The following CELSR1 variants were observed in gnomAD, a reference collection of about 807,000 sequenced individuals.
CELSR1 encodes adhesion G protein-coupled receptor C1.
CELSR1 carries 110 observed loss-of-function variants against 249.1 expected under a neutral mutation model. The ratio of observed to expected loss-of-function variants is 0.44; its 90% CI spans 0.38 to 0.52. The LOEUF (loss-of-function observed/expected upper bound fraction) is 0.52. Ranked by LOEUF, CELSR1 falls within the 20% of genes least tolerant of loss-of-function variation. The pLI is 0.00. For synonymous variants in CELSR1, 2,113 were observed against 1,900.0 expected, an observed-to-expected ratio of 1.11 and a Z score of -2.92; for missense variants, 4,109 against 4,296.4, an observed-to-expected ratio of 0.96 and a Z score of 1.22.
At chr22:46,416,377 AC>A (rs947946477) in intron 5 of CELSR1, among the ~76,000 whole-genome samples, 23 of 151,164 alleles carry the variant, frequency 1.5e-4, no homozygotes, top group African/African-American at 4.8e-4. Flanking sequence ...GGCCCAGAGG[AC>A]CCCCCCCAAC....
In CELSR1 at chr22:46,535,938, T is replaced by C. The variant is rs766824631; in HGVS notation, c.1233A>G (p.Thr411=). ...CCTCCTCCCGGTCCAGCACCGCCCG[T>C]GTGCTCACCACGCCAGAGCTCTCGT... ...QLNESSGVVS[T]RAVLDREEAA... The change falls in exon 1 of 35, where the codon ACA becomes ACG. Residue 411 remains threonine (T), a synonymous_variant. Coordinates refer to ENST00000674500, the MANE Select transcript of CELSR1 (RefSeq NM_001378328.1). The C allele has an allele frequency of 6.2e-7, 1 of 1,610,058 alleles. No homozygotes were observed. The highest frequency in any genetic ancestry group is 8.5e-7 in the Non-Finnish European group (1 of 1,179,788).
intron 30 of CELSR1, among the ~76,000 whole-genome samples, 188 bp downstream of exon 30, chr22:46,366,198 G>GT (rs2078776897): frequency 1.2e-5 from 1 of 80,538 alleles, no homozygotes; most frequent in Non-Finnish European, 2.3e-5. Context: ...GCAGGGGAAG[G>GT]GAAGGTGCGA....
chr22:46,537,579 G>T lies in CELSR1; in HGVS notation c.-409C>A, dbSNP rs2080872892. Among the ~76,000 whole-genome samples, 1 of 147,196 alleles carries T rather than the reference G, an allele frequency of 6.8e-6. No individual in the cohort carries two copies. The highest frequency in any genetic ancestry group is 2.1e-4 in the South Asian group (1 of 4,808). On this transcript the variant is annotated 5_prime_UTR_variant, in exon 1 of 35. Coordinates refer to ENST00000674500, the MANE Select transcript of CELSR1 (RefSeq NM_001378328.1). This position sits in a 1 kb window ranked among gnomAD's most constrained non-coding sequence, Gnocchi z 5.8. The stretch of plus-strand genomic sequence containing the variant: ...GGAGCGGGCTGGGCAGCTCCGCGCC[G>T]CGCAGACCCCGGCGGCCGGCTGCTG...
rs9626866 is a variant in CELSR1, at chr22:46,413,135, G to A, written c.4612-1376C>T. Reference sequence around the variant, plus strand: ...CGTGGAAATAGATCGTTGTAAAAACGTAGAATTTAATTAAATCATCCTCAG... The same window carrying A: ...CGTGGAAATAGATCGTTGTAAAAACATAGAATTTAATTAAATCATCCTCAG... On this transcript the variant is annotated intron_variant, in intron 5 of 34. Coordinates refer to ENST00000674500, the MANE Select transcript of CELSR1 (RefSeq NM_001378328.1). The surrounding 1 kb of genome is among the most constrained non-coding windows in gnomAD (Gnocchi z 4.7). 0.027 allele frequency among the ~76,000 whole-genome samples: 4,038 copies of A among 152,288 alleles called. 169 individuals are homozygous for A. Among genetic ancestry groups the A allele is most frequent in the African/African-American group, 0.091 (3,761 of 41,554 alleles).
At chr22:46,416,952 G>GA (rs1162272484) in intron 5 of CELSR1, among the ~76,000 whole-genome samples, 1 of 117,338 alleles carries the variant, frequency 8.5e-6, no homozygotes, top group Non-Finnish European at 1.7e-5. Context: ...CAATGCTGGG[G>GA]AAGGTAGCAG....
rs371822677 is a variant in CELSR1, at chr22:46,399,524, G to T, written c.5412+193C>A. On this transcript the variant is annotated intron_variant, in intron 10 of 34. Coordinates refer to ENST00000674500, the MANE Select transcript of CELSR1 (RefSeq NM_001378328.1). The surrounding 1 kb of genome is among the most constrained non-coding windows in gnomAD (Gnocchi z 5.0). The stretch of plus-strand genomic sequence containing the variant: ...GCTGACTGCCGGGGGCGGGGCATCC[G>T]GATGAAGGAGGTGAGGAAGATGCCA... 6.6e-6 allele frequency among the ~76,000 whole-genome samples: 1 copy of T among 152,310 alleles called. No individual in the cohort carries two copies. Among genetic ancestry groups the T allele is most frequent in the Non-Finnish European group, 1.5e-5 (1 of 68,028 alleles).
At chr22:46,499,134 C>T (rs1008855530) in intron 1 of CELSR1, among the ~76,000 whole-genome samples, 2 of 148,440 alleles carry the variant, frequency 1.3e-5, no homozygotes, top group Non-Finnish European at 3.0e-5. Flanking sequence ...GAGCCGAGAT[C>T]GTGCCACTGC....
intron 1 of CELSR1, among the ~76,000 whole-genome samples, chr22:46,474,183 C>A (rs947281695): frequency 6.6e-6 from 1 of 152,178 alleles, no homozygotes; most frequent in Non-Finnish European, 1.5e-5. Context: ...CAGCTCTGCC[C>A]GGGGGCAGGG....
chr22:46,523,397 C>T (rs1017082237), intron 1 of CELSR1, among the ~76,000 whole-genome samples: 1 of 151,854 alleles, frequency 6.6e-6, no homozygotes, highest in Non-Finnish European at 1.5e-5. Flanking sequence ...GGTGTGGTAG[C>T]GGGCACCTGT....
rs2078717025 is a variant in CELSR1, at chr22:46,362,598, CAGAG to C, written c.*621_*624del. 1.3e-5 allele frequency: 2 copies of C among 152,836 alleles called. No individual in the cohort carries two copies. The highest frequency in any genetic ancestry group is 6.5e-5 in the Admixed American group (1 of 15,354). The allele number at this position is 152,836 out of a possible 1,614,324, so 9.5% of individuals were successfully genotyped here. A position where few individuals can be genotyped will look rare whatever the true frequency, so the allele number is the denominator to read the frequency against. Reference sequence around the variant, plus strand: ...TTCAAGTACAACTGTGCAATCTTGACAGAGAAGACAGCAAGAGATCATTGCATGG... The same window carrying C: ...TTCAAGTACAACTGTGCAATCTTGACAAGACAGCAAGAGATCATTGCATGG... On this transcript the variant is annotated 3_prime_UTR_variant, in exon 35 of 35. Transcript: ENST00000674500.
rs1374608973 is a variant in CELSR1, at chr22:46,454,449, C to T, written c.4183+9258G>A. Among the ~76,000 whole-genome samples the T allele has an allele frequency of 2.0e-5, 3 of 152,334 alleles. No homozygotes were observed. Among genetic ancestry groups the T allele is most frequent in the South Asian group, 2.1e-4 (1 of 4,826 alleles). Reference sequence around the variant, plus strand: ...AGTGCACGCACAGACGCCCATGACCCGCAGCCAGCCCGGCCAGGCAGCCTT... The same window carrying T: ...AGTGCACGCACAGACGCCCATGACCTGCAGCCAGCCCGGCCAGGCAGCCTT... On this transcript the variant is annotated intron_variant, in intron 2 of 34. Transcript: ENST00000674500. The surrounding 1 kb of genome is among the most constrained non-coding windows in gnomAD (Gnocchi z 5.1).
chr22:46,483,597 C>T (rs1468153857), intron 1 of CELSR1, among the ~76,000 whole-genome samples: 2 of 152,084 alleles, frequency 1.3e-5, no homozygotes, highest in Non-Finnish European at 2.9e-5. Context: ...TTCCTGCCTC[C>T]TGGAGTCCCC....
At chr22:46,418,281 G>A (rs767496920) in intron 5 of CELSR1, among the ~76,000 whole-genome samples, 15 of 152,248 alleles carry the variant, frequency 9.9e-5, no homozygotes, top group East Asian at 3.9e-4. Flanking sequence ...AGGAGTTTGC[G>A]ACCAGCCTGG....
At chr22:46,385,777 A>ATG in intron 19 of CELSR1, among the ~76,000 whole-genome samples, 1 of 148,692 alleles carries the variant, frequency 6.7e-6, no homozygotes, top group Admixed American at 6.9e-5. Context: ...TCCCGGGTTC[A>ATG]CGCCATTCTC....
At chr22:46,449,951 C>T (rs73454558) in intron 2 of CELSR1, among the ~76,000 whole-genome samples, 2,406 of 152,196 alleles carry the variant, frequency 0.016, 52 homozygotes, top group African/African-American at 0.055. Context: ...CTCACATGCA[C>T]GCACTCACAT....
At chr22:46,496,810 G>A (rs1267627976) in intron 1 of CELSR1, among the ~76,000 whole-genome samples, 1 of 151,720 alleles carries the variant, frequency 6.6e-6, no homozygotes, top group Non-Finnish European at 1.5e-5. Flanking sequence ...GCCTTCTTCT[G>A]GAAAACCTGA....
chr22:46,491,063 G>A (rs993392980), intron 1 of CELSR1, among the ~76,000 whole-genome samples: 2 of 151,992 alleles, frequency 1.3e-5, no homozygotes, highest in Non-Finnish European at 2.9e-5. Flanking sequence ...CAGGTCTCCT[G>A]AGGCAGCTTC....
At chr22:46,414,287 G>T (rs2079371604) in intron 5 of CELSR1, among the ~76,000 whole-genome samples, 1 of 152,170 alleles carries the variant, frequency 6.6e-6, no homozygotes, top group South Asian at 2.1e-4. Context: ...GGCGGCCACT[G>T]GGTCAAAAGT....
rs970637935 is a variant in CELSR1 at position 46,402,247 on chromosome 22, A to G, written c.5227-2345T>C. Among the ~76,000 whole-genome samples the G allele has an allele frequency of 6.9e-6, 1 of 144,748 alleles. No individual in the cohort carries two copies. The highest frequency in any genetic ancestry group is 2.6e-5 in the African/African-American group (1 of 38,844). The allele number at this position is 144,748 out of a possible 152,430, so 95.0% of individuals were successfully genotyped here. On this transcript the variant is annotated intron_variant, in intron 9 of 34. Transcript: ENST00000674500. This position sits in a 1 kb window ranked among gnomAD's most constrained non-coding sequence, Gnocchi z 5.0. ...TTTTTTTTTTTTGAGACAGAGTTTC[A>G]CTCTTGTTGCCCAGGCTGGAGTGCA...
Sources: gnomAD v4.1 joint callset for allele counts (sites outside exome capture counted in the v4.1 genomes callset) on GRCh38, gnomAD v4.1.1 for gene constraint, Gnocchi (gnomAD v3.1) non-coding constraint, MANE v1.5 for transcripts, NCBI Gene and HGNC (gene_info 2026-07-23, HGNC 2026-07-21) for gene names.